Variants in POLQ observed in about 807,000 individuals in gnomAD.
The protein encoded by POLQ is DNA polymerase theta, also known as epididymis secretory sperm binding protein.
A neutral mutation model predicts 259.2 loss-of-function variants in POLQ; 233 were observed. That is an observed-to-expected ratio of 0.90 (90% CI 0.81 to 1.00). The LOEUF is 1.00. Ranked by LOEUF, POLQ falls within the 50% of genes least tolerant of loss-of-function variation. POLQ has a pLI of 0.00. For missense variants in POLQ, 2,871 were observed against 3,051.6 expected (o/e 0.94, Z 1.39); for synonymous variants, 1,025 against 1,048.8 (o/e 0.98, Z 0.44).
chr3:121,481,227 G>A (rs1026943008), intron 19 of POLQ, among the ~76,000 whole-genome samples: 3 of 152,186 alleles, frequency 2.0e-5, no homozygotes, highest in Non-Finnish European at 2.9e-5. Context: ...GCATAAATGC[G>A]ATTTTGTAAT....
chr3:121,533,065 T>C lies in POLQ; in HGVS notation c.885A>G (p.Ser295=). The stretch of plus-strand genomic sequence containing the variant: ...CATATATGGAATTTCCAACTTTTAC[T>C]GACTCCAAAAGCGGTACAGGGCGAA... The part of the protein sequence containing the change: ...TDFRPVPLLE[S]VKVGNSIYDS... Residue 295 remains serine (S), a synonymous_variant, in exon 6 of 30, where the codon TCA becomes TCG. Coordinates refer to ENST00000264233, the MANE Select transcript of POLQ (RefSeq NM_199420.4). 6.2e-7 allele frequency: 1 copy of C among 1,614,052 alleles called. No individual in the cohort carries two copies. Among genetic ancestry groups the C allele is most frequent in the Non-Finnish European group, 8.5e-7 (1 of 1,179,970 alleles).
intron 24 of POLQ, among the ~76,000 whole-genome samples, chr3:121,460,890 G>A (rs1388182811): frequency 6.6e-6 from 1 of 151,922 alleles, no homozygotes; most frequent in African/African-American, 2.4e-5. Flanking sequence ...ATAAAAGCAG[G>A]GTCAAAGAAA....
intron 25 of POLQ, among the ~76,000 whole-genome samples, chr3:121,453,117 T>C (rs574258329): frequency 6.6e-6 from 1 of 152,302 alleles, no homozygotes; most frequent in African/African-American, 2.4e-5. Context: ...GCTGTTGATA[T>C]CCAGGCAACC....
intron 7 of POLQ, among the ~76,000 whole-genome samples, chr3:121,529,364 C>T (rs1276939383): frequency 6.6e-6 from 1 of 152,148 alleles, no homozygotes; most frequent in East Asian, 1.9e-4. Flanking sequence ...AAAGATCAAA[C>T]TCTTAAAGCC....
chr3:121,442,116 T>A (rs1357368595), intron 26 of POLQ, among the ~76,000 whole-genome samples: 1 of 152,210 alleles, frequency 6.6e-6, no homozygotes, highest in South Asian at 2.1e-4. Flanking sequence ...CTGCAAATAT[T>A]TCTTCCCAGT....
In POLQ at chr3:121,519,278, T is replaced by G. The variant is rs1241462772; in HGVS notation, c.1468+593A>C. On this transcript the variant is annotated intron_variant, in intron 9 of 29. Transcript: ENST00000264233. Reference sequence around the variant, plus strand: ...CTAAGTAATAAGAAGTCATCTTGATTTACATAATACTAAATCATTTTATTG... The same window carrying G: ...CTAAGTAATAAGAAGTCATCTTGATGTACATAATACTAAATCATTTTATTG... Among the ~76,000 whole-genome samples the G allele has an allele frequency of 2.0e-5, 3 of 150,932 alleles. No individual in the cohort carries two copies. The Admixed American group carries it at 2.0e-4, about 10-fold the overall frequency.
rs745404886 is a variant in POLQ, at chr3:121,488,020, A to G, written c.4911T>C (p.Asp1637=). The G allele has an allele frequency of 1.2e-6, 2 of 1,613,780 alleles. No individual in the cohort carries two copies. Among genetic ancestry groups the G allele is most frequent in the Non-Finnish European group, 1.7e-6 (2 of 1,179,780 alleles). The change falls in exon 16 of 30, where the codon GAT becomes GAC. Residue 1637 remains aspartate (D), a synonymous_variant. Coordinates refer to ENST00000264233, the MANE Select transcript of POLQ (RefSeq NM_199420.4). The part of the protein sequence containing the change: ...HSFIWSGASF[D]LSPGLQRILD... ...AAATCCTTTGCAGTCCTGGACTTAG[A>G]TCAAATGATGCCCCTGACCATATGA... is the stretch of plus-strand genomic sequence containing the variant.
Position 121,436,182 on chromosome 3 carries a change from A to T in POLQ, c.7483T>A (p.Phe2495Ile). ...TVNIQKQLETFHSTFKSHGHR... is the reference protein window; with the variant it reads ...TVNIQKQLETIHSTFKSHGHR... ...CCATGGGATTTGAAGGTTGAGTGGAAGGTCTCTAATTGCTTCTGAATGTTA... is the reference window on the plus strand; with the variant it reads ...CCATGGGATTTGAAGGTTGAGTGGATGGTCTCTAATTGCTTCTGAATGTTA... The change falls in exon 28 of 30, where the codon TTC becomes ATC. Residue 2495 changes from phenylalanine to isoleucine, a missense_variant. Around this residue, in one of 3 missense-constraint regions of POLQ, gnomAD observed 2,080 missense variants for 2,126.0 expected, o/e 0.98. Transcript: ENST00000264233. 6.2e-7 allele frequency: 1 copy of T among 1,613,836 alleles called. No homozygotes were observed. The highest frequency in any genetic ancestry group is 8.5e-7 in the Non-Finnish European group (1 of 1,179,728).
chr3:121,451,368 T>C (rs2047674758), intron 25 of POLQ, among the ~76,000 whole-genome samples: 1 of 152,218 alleles, frequency 6.6e-6, no homozygotes, highest in Non-Finnish European at 1.5e-5. Flanking sequence ...GGCACTCTGA[T>C]TTTTAGATTT....
At chr3:121,493,355 C>T (rs370028046) in intron 15 of POLQ, 123 bp downstream of exon 15, 1 of 727,510 alleles carries the variant, frequency 1.4e-6, no homozygotes, top group East Asian at 2.9e-5. Context: ...TTTTCTTCCA[C>T]TTACACCAAG....
chr3:121,483,175 C>T (rs894199363), intron 18 of POLQ, among the ~76,000 whole-genome samples: 8 of 151,792 alleles, frequency 5.3e-5, no homozygotes, highest in East Asian at 3.9e-4. Context: ...AACTTTAGGG[C>T]TCCAAATTTG....
rs373832246 is a variant in POLQ at position 121,533,166 on chromosome 3, C to T, written c.784G>A (p.Val262Ile). The change falls in exon 6 of 30, where the codon GTT becomes ATT. Residue 262 changes from valine (V) to isoleucine (I), a missense_variant. Physicochemically the swap from Val to Ile is conservative, Grantham distance 29. Around this residue, in one of 3 missense-constraint regions of POLQ, gnomAD observed 783 missense variants for 906.2 expected, o/e 0.86. Transcript: ENST00000264233. ...TTAGGAAGGGTAGCACTCATGCCAACGATTTGCACAGCATTAGACAGAGAA... is the reference window on the plus strand; with the variant it reads ...TTAGGAAGGGTAGCACTCATGCCAATGATTTGCACAGCATTAGACAGAGAA... ...ASSLSNAVQI[V>I]GMSATLPNLE... 4.2e-5 allele frequency: 67 copies of T among 1,613,482 alleles called. 1 individual carries two copies. The Middle Eastern group carries it at 1.3e-3, about 32-fold the overall frequency.
chr3:121,515,940 CA>C (rs1391941921), intron 9 of POLQ, among the ~76,000 whole-genome samples: 1 of 151,658 alleles, frequency 6.6e-6, no homozygotes, highest in Non-Finnish European at 1.5e-5. Flanking sequence ...ATTTGGAAAA[CA>C]ATATACAAAC....
intron 25 of POLQ, among the ~76,000 whole-genome samples, chr3:121,452,976 T>G (rs1205733284): frequency 6.6e-6 from 1 of 152,190 alleles, no homozygotes; most frequent in Admixed American, 6.5e-5. Context: ...GCAGCCTAAC[T>G]GGGAGGCACC....
At chr3:121,486,017 C>T (rs999528185) in intron 16 of POLQ, among the ~76,000 whole-genome samples, 1 of 152,182 alleles carries the variant, frequency 6.6e-6, no homozygotes, top group African/African-American at 2.4e-5. Context: ...CGCAATAAGA[C>T]AGGAATATAC....
intron 9 of POLQ, among the ~76,000 whole-genome samples, chr3:121,514,958 G>A (rs2048284362): frequency 6.6e-6 from 1 of 152,150 alleles, no homozygotes; most frequent in Non-Finnish European, 1.5e-5. Context: ...AAGAAGCAGG[G>A]GCTAGTTCTG....
At chr3:121,441,855 C>T (rs73191787) in intron 26 of POLQ, among the ~76,000 whole-genome samples, 5,497 of 152,128 alleles carry the variant, frequency 0.036, 148 homozygotes, top group Middle Eastern at 0.082. Context: ...AAATGAACAA[C>T]GTAAAAGACT....
chr3:121,497,074 G>C, intron 13 of POLQ, 142 bp from the exon 14 acceptor site: 3 of 861,944 alleles, frequency 3.5e-6, no homozygotes, highest in Non-Finnish European at 3.6e-6. Flanking sequence ...TAGAAAATAG[G>C]ATTACTGGAC....
At chr3:121,470,404 T>A (rs1266282418) in intron 22 of POLQ, among the ~76,000 whole-genome samples, 1 of 152,062 alleles carries the variant, frequency 6.6e-6, no homozygotes, top group Non-Finnish European at 1.5e-5. Flanking sequence ...ATCACTAGGA[T>A]GGGACAAGTT....
Sources: gnomAD v4.1 joint callset for allele counts (sites outside exome capture counted in the v4.1 genomes callset) on GRCh38, gnomAD v4.1.1 for gene constraint, gnomAD v4.1.1 regional missense constraint, MANE v1.5 for transcripts, NCBI Gene and HGNC (gene_info 2026-07-23, HGNC 2026-07-21) for gene names.